Variants in LOC128092253 observed in about 807,000 individuals in gnomAD.
At chr6:133,955,324 C>T in the LOC128092253 span, among the ~76,000 whole-genome samples, 1 of 151,064 alleles carries the variant, frequency 6.6e-6, no homozygotes, top group African/African-American at 2.4e-5. Context: ...GCTTTCCCTG[C>T]TCTCCTCCGC....
the LOC128092253 span, among the ~76,000 whole-genome samples, chr6:133,979,188 C>T: frequency 6.6e-6 from 1 of 152,112 alleles, no homozygotes; most frequent in Non-Finnish European, 1.5e-5. Flanking sequence ...AAGACTTTGC[C>T]TTAATCATTT....
the LOC128092253 span, chr6:133,979,943 G>A: frequency 4.3e-5 from 28 of 651,512 alleles, no homozygotes; most frequent in Admixed American, 8.9e-5. Flanking sequence ...CACTGTGCCC[G>A]GCCAGGGACA....
chr6:133,963,627 G>C, the LOC128092253 span, among the ~76,000 whole-genome samples: 1 of 152,078 alleles, frequency 6.6e-6, no homozygotes, highest in Admixed American at 6.5e-5. Flanking sequence ...TCACCATGTT[G>C]CTCAGTCTGG....
At chr6:133,967,951 T>G in the LOC128092253 span, among the ~76,000 whole-genome samples, 9 of 152,180 alleles carry the variant, frequency 5.9e-5, no homozygotes, top group African/African-American at 2.2e-4. Flanking sequence ...TAGGACCATG[T>G]GCTTATATGA....
the LOC128092253 span, among the ~76,000 whole-genome samples, chr6:133,961,725 A>C: frequency 6.6e-6 from 1 of 151,948 alleles, no homozygotes; most frequent in Non-Finnish European, 1.5e-5. Flanking sequence ...TGGCCTCCCA[A>C]AGTGCTGGGA....
chr6:133,964,693 C>G, the LOC128092253 span, among the ~76,000 whole-genome samples: 1 of 152,096 alleles, frequency 6.6e-6, no homozygotes, highest in African/African-American at 2.4e-5. Context: ...CGTGATCCAC[C>G]CGCCTCAGCT....
At chr6:133,977,481 A>G in the LOC128092253 span, among the ~76,000 whole-genome samples, 2 of 152,180 alleles carry the variant, frequency 1.3e-5, 1 homozygote, top group South Asian at 4.1e-4. Context: ...CCTCAGGCAG[A>G]ACTCAAAGTA....
the LOC128092253 span, among the ~76,000 whole-genome samples, chr6:133,974,161 A>T: frequency 6.6e-6 from 1 of 152,100 alleles, no homozygotes; most frequent in Non-Finnish European, 1.5e-5. Context: ...GGCAAACATT[A>T]TGGACCTCTG....
chr6:133,970,262 T>C, the LOC128092253 span, among the ~76,000 whole-genome samples: 1 of 152,248 alleles, frequency 6.6e-6, no homozygotes, highest in African/African-American at 2.4e-5. Flanking sequence ...ACTGTTTTTA[T>C]ATCTCACACC....
the LOC128092253 span, among the ~76,000 whole-genome samples, chr6:133,956,679 A>G: frequency 1.3e-5 from 2 of 152,108 alleles, no homozygotes; most frequent in African/African-American, 4.8e-5. Flanking sequence ...GATGAAGGAA[A>G]CCTTTTTGAA....
At chr6:133,965,458 A>G in the LOC128092253 span, among the ~76,000 whole-genome samples, 7 of 151,988 alleles carry the variant, frequency 4.6e-5, no homozygotes, top group South Asian at 2.1e-4. Context: ...CATAATACCT[A>G]TTTCGTAACA....
At chr6:133,970,908 A>C in the LOC128092253 span, among the ~76,000 whole-genome samples, 4 of 152,188 alleles carry the variant, frequency 2.6e-5, no homozygotes, top group Non-Finnish European at 4.4e-5. Flanking sequence ...AGGGTAGGGC[A>C]TCTGTCACCT....
the LOC128092253 span, among the ~76,000 whole-genome samples, chr6:133,979,784 T>C: frequency 6.6e-6 from 1 of 151,988 alleles, no homozygotes; most frequent in Non-Finnish European, 1.5e-5. Context: ...GTAGCTGGGA[T>C]TACAGACATG....
the LOC128092253 span, among the ~76,000 whole-genome samples, chr6:133,955,900 A>G: frequency 6.6e-6 from 1 of 152,262 alleles, no homozygotes; most frequent in Non-Finnish European, 1.5e-5. Flanking sequence ...AAATTGTCAC[A>G]TCAGCATTTG....
At chr6:133,967,522 C>T in the LOC128092253 span, among the ~76,000 whole-genome samples, 1 of 152,098 alleles carries the variant, frequency 6.6e-6, no homozygotes, top group Non-Finnish European at 1.5e-5. Flanking sequence ...ATCACGTGAA[C>T]ATCATAGAGT....
the LOC128092253 span, among the ~76,000 whole-genome samples, chr6:133,977,589 T>C: frequency 1.1e-4 from 16 of 152,218 alleles, no homozygotes; most frequent in Non-Finnish European, 1.5e-5. Flanking sequence ...AATTTGATAG[T>C]TGATTCGCAT....
chr6:133,969,251 C>CTTTT, the LOC128092253 span, among the ~76,000 whole-genome samples: 16 of 122,584 alleles, frequency 1.3e-4, no homozygotes, highest in Admixed American at 2.5e-4. Context: ...ATAAAATACA[C>CTTTT]TTTTTTTTTT....
At chr6:133,966,454 C>G in the LOC128092253 span, among the ~76,000 whole-genome samples, 8 of 152,206 alleles carry the variant, frequency 5.3e-5, no homozygotes, top group African/African-American at 1.9e-4. Flanking sequence ...AAATTTCACC[C>G]ATGATGGTTT....
At chr6:133,966,122 C>T in the LOC128092253 span, among the ~76,000 whole-genome samples, 4 of 151,952 alleles carry the variant, frequency 2.6e-5, no homozygotes, top group South Asian at 6.2e-4. Context: ...GTGTGTGTGT[C>T]GTGTGGGTGT....
Sources: gnomAD v4.1 joint callset for allele counts (sites outside exome capture counted in the v4.1 genomes callset) on GRCh38, gnomAD v4.1.1 for gene constraint, MANE v1.5 for transcripts.